SPACA6: variants seen among roughly 807,000 people sequenced by gnomAD.
SPACA6 encodes sperm acrosome associated 6.
For synonymous variants in SPACA6, 6 were observed against 1.5 expected, an observed-to-expected ratio of 4.05 and a Z score of -2.21; for missense variants, 8 against 2.8, an observed-to-expected ratio of 2.88 and a Z score of -1.34.
downstream of SPACA6, among the ~76,000 whole-genome samples, chr19:51,708,850 ACT>A (rs1045348879): frequency 2.0e-5 from 3 of 150,460 alleles, no homozygotes; most frequent in African/African-American, 7.4e-5. Flanking sequence ...ACAGAGTGAG[ACT>A]CTGTCTAAAA....
upstream of SPACA6, among the ~76,000 whole-genome samples, chr19:51,691,435 G>A (rs1372755850): frequency 1.3e-5 from 2 of 149,594 alleles, no homozygotes; most frequent in African/African-American, 4.9e-5. Context: ...CTGAGAGAGG[G>A]CCAGAGAGAG....
chr19:51,695,306 A>T (rs1415733273), intron 2 of SPACA6, among the ~76,000 whole-genome samples: 1 of 152,166 alleles, frequency 6.6e-6, no homozygotes, highest in African/African-American at 2.4e-5. Flanking sequence ...CATGGGCGGT[A>T]ATCATGCCTG....
upstream of SPACA6, among the ~76,000 whole-genome samples, chr19:51,691,148 C>T (rs2083368254): frequency 6.6e-6 from 1 of 151,862 alleles, no homozygotes; most frequent in Non-Finnish European, 1.5e-5. Flanking sequence ...CCACCCCACC[C>T]CCAGCTCCAG....
chr19:51,684,913 A>G (rs1039322589), upstream of SPACA6, among the ~76,000 whole-genome samples: 4 of 151,956 alleles, frequency 2.6e-5, no homozygotes, highest in African/African-American at 9.7e-5. Flanking sequence ...GTGCTCTAGG[A>G]TTATCTTGGG....
At chr19:51,694,005 A>G (rs981172258) in intron 1 of SPACA6, 1 of 316,944 alleles carries the variant, frequency 3.2e-6, no homozygotes. Flanking sequence ...ACTCAGAGAG[A>G]GAGGAAGATG....
rs1164096101 is a variant in SPACA6 at position 51,693,461 on chromosome 19, C to G, written c.-66C>G. 16 of 562,456 alleles carry G rather than the reference C, an allele frequency of 2.8e-5. No homozygotes were observed. The highest frequency in any genetic ancestry group is 1.2e-4 in the South Asian group (5 of 43,378). 34.8% of individuals were successfully genotyped at this position (562,456 alleles called of 1,614,324 possible). ...GACCTCTGACCCCAGACCACTGGCC[C>G]TTCCCCCGCCCTGTGGTGACTTCAT... On this transcript the variant is annotated 5_prime_UTR_variant, in exon 1 of 9. Transcript: ENST00000637797.
chr19:51,712,597 C>A (rs1359277284), downstream of SPACA6, among the ~76,000 whole-genome samples: 1 of 152,044 alleles, frequency 6.6e-6, no homozygotes, highest in Non-Finnish European at 1.5e-5. Context: ...GGTCTGGTGC[C>A]CTGATGGAAG....
upstream of SPACA6, among the ~76,000 whole-genome samples, chr19:51,688,953 A>AGAGGGAGG (rs902083508): frequency 6.6e-6 from 1 of 150,380 alleles, no homozygotes; most frequent in African/African-American, 2.4e-5. Flanking sequence ...AGAGAGGGAG[A>AGAGGGAGG]GAGAGAGCGA....
At chr19:51,700,130 TG>T (rs754847953) in intron 2 of SPACA6, among the ~76,000 whole-genome samples, 2 of 152,140 alleles carry the variant, frequency 1.3e-5, no homozygotes, top group Non-Finnish European at 2.9e-5. Context: ...GGTGGGTGCC[TG>T]TAATCCTAGC....
upstream of SPACA6, chr19:51,693,267 G>A (rs1356676604): frequency 2.8e-6 from 2 of 724,220 alleles, no homozygotes; most frequent in South Asian, 1.4e-5. Flanking sequence ...CAGTCTCTAG[G>A]TCCCTGAGAC....
chr19:51,686,744 T>C (rs2083330040), upstream of SPACA6: 1 of 152,210 alleles, frequency 6.6e-6, no homozygotes, highest in Non-Finnish European at 1.5e-5. Flanking sequence ...CTATTCAGTA[T>C]TCCATCCTTA....
chr19:51,709,997 T>C (rs1021844069), downstream of SPACA6, among the ~76,000 whole-genome samples: 1 of 152,218 alleles, frequency 6.6e-6, no homozygotes, highest in Non-Finnish European at 1.5e-5. Flanking sequence ...CAGCCACGTG[T>C]GGCCGTGAAG....
At chr19:51,702,159 C>T (rs1481500083) in intron 3 of SPACA6, among the ~76,000 whole-genome samples, 2 of 152,178 alleles carry the variant, frequency 1.3e-5, no homozygotes, top group Non-Finnish European at 2.9e-5. Flanking sequence ...ACTATTTCCC[C>T]GCGTGGACCA....
chr19:51,685,983 C>G (rs144973197), upstream of SPACA6: 6 of 152,026 alleles, frequency 3.9e-5, no homozygotes, highest in East Asian at 1.2e-3. Context: ...GTGCCAATGT[C>G]TGATGGGAAT....
upstream of SPACA6, among the ~76,000 whole-genome samples, chr19:51,691,831 C>T (rs1273895055): frequency 6.6e-6 from 1 of 151,656 alleles, no homozygotes. Context: ...TGCTGGGTCC[C>T]GGGGTCCAGA....
intron 2 of SPACA6, among the ~76,000 whole-genome samples, chr19:51,700,542 A>G (rs544456774): frequency 6.6e-6 from 1 of 152,322 alleles, no homozygotes; most frequent in South Asian, 2.1e-4. Context: ...CAGGCCAAAT[A>G]TAACACATCC....
chr19:51,694,022 C>CAGAG (rs35624094), intron 1 of SPACA6: 54,690 of 293,428 alleles, frequency 0.19, 5,290 homozygotes, highest in South Asian at 0.26. Flanking sequence ...GATGGAGACT[C>CAGAG]GGAAAGATGG....
At chr19:51,692,926 C>T (rs372593044), upstream of SPACA6, 27 of 518,384 alleles carry the variant, frequency 5.2e-5, no homozygotes, top group African/African-American at 4.1e-4. The surrounding 1 kb of genome is among the most constrained non-coding windows in gnomAD (Gnocchi z 5.6). Context: ...GACCCTTAGC[C>T]CCACTGGGCT....
intron 3 of SPACA6, 165 bp downstream of exon 3, chr19:51,701,891 G>T: frequency 2.7e-6 from 1 of 366,158 alleles, no homozygotes; most frequent in Non-Finnish European, 4.9e-6. Flanking sequence ...TGACCAACAT[G>T]GTGATACCCA....
Sources: allele counts gnomAD v4.1 joint callset (sites outside exome capture counted in the v4.1 genomes callset), GRCh38; gene constraint gnomAD v4.1.1; non-coding constraint Gnocchi (gnomAD v3.1); transcripts MANE v1.5; gene names NCBI Gene and HGNC (gene_info 2026-07-23, HGNC 2026-07-21).